The following CCSER1 variants were observed in gnomAD, a reference collection of about 807,000 sequenced individuals.
The protein encoded by CCSER1 is serine-rich coiled-coil domain-containing protein 1.
In CCSER1, 41 loss-of-function variants were observed where a neutral mutation model predicts 82.0. That is an observed-to-expected ratio of 0.50 (90% CI 0.39 to 0.65). The LOEUF (loss-of-function observed/expected upper bound fraction) is 0.65, where lower values mean the gene tolerates loss of function less well. Among genes scored for constraint, CCSER1 ranks in the 30% least tolerant of loss-of-function variants. CCSER1 has a pLI of 0.00. For synonymous variants in CCSER1, 414 were observed against 383.9 expected, an observed-to-expected ratio of 1.08 and a Z score of -0.92; for missense variants, 1,119 against 1,064.2, an observed-to-expected ratio of 1.05 and a Z score of -0.72.
At chr4:90,408,231 A>G (rs974878196) in intron 4 of CCSER1, among the ~76,000 whole-genome samples, 10 of 152,198 alleles carry the variant, frequency 6.6e-5, no homozygotes, top group Non-Finnish European at 1.5e-4. Context: ...AACAAAAGAC[A>G]GCAATAACCT....
In CCSER1 at chr4:91,148,073, G is replaced by C. The variant is rs532008469; in HGVS notation, c.2217+62079G>C. On this transcript the variant is annotated intron_variant, in intron 10 of 10. Coordinates refer to ENST00000509176, the MANE Select transcript of CCSER1 (RefSeq NM_001145065.2). ...TACCATAGATAGGTTGACTAGAGTAGTAACATGGAATAGAGAATCAAAACG... is the reference window on the plus strand; with the variant it reads ...TACCATAGATAGGTTGACTAGAGTACTAACATGGAATAGAGAATCAAAACG... 2.6e-5 allele frequency among the ~76,000 whole-genome samples: 4 copies of C among 152,098 alleles called. No homozygotes were observed. In the East Asian group the frequency reaches 7.7e-4, roughly 29 times the overall value.
intron 10 of CCSER1, among the ~76,000 whole-genome samples, chr4:91,147,665 C>A (rs910597848): frequency 6.6e-6 from 1 of 152,196 alleles, no homozygotes; most frequent in East Asian, 1.9e-4. Flanking sequence ...ACCAGCTGTG[C>A]TGGGAGTGAT....
intron 10 of CCSER1, among the ~76,000 whole-genome samples, chr4:91,309,938 G>A (rs1291228299): frequency 6.6e-6 from 1 of 151,848 alleles, no homozygotes; most frequent in African/African-American, 2.4e-5. Flanking sequence ...CAAGATCAAG[G>A]TATTGGCAGG....
intron 9 of CCSER1, among the ~76,000 whole-genome samples, chr4:91,030,239 G>T (rs1740855285): frequency 6.6e-6 from 1 of 151,906 alleles, no homozygotes; most frequent in Admixed American, 6.6e-5. Flanking sequence ...GAAAACCAAA[G>T]ATGAAAAATG....
chr4:90,530,481 C>T (rs1411467770), intron 5 of CCSER1, among the ~76,000 whole-genome samples: 2 of 152,008 alleles, frequency 1.3e-5, no homozygotes, highest in Non-Finnish European at 2.9e-5. Flanking sequence ...GGAGTGTGGG[C>T]GTACTCAAGA....
At chr4:90,985,797 T>C (rs1279506840) in intron 9 of CCSER1, among the ~76,000 whole-genome samples, 2 of 151,664 alleles carry the variant, frequency 1.3e-5, no homozygotes, top group African/African-American at 2.4e-5. Flanking sequence ...AATGTGTTAA[T>C]TGAAGAAAAA....
chr4:90,148,941 C>A lies in CCSER1; in HGVS notation c.-42+21110C>A, dbSNP rs151183812. On this transcript the variant is annotated intron_variant, in intron 1 of 10. Transcript: ENST00000509176. ...TGCTTATTTTTACAAGTAGGTCACACCCTAACTAAAAGACATGAATAATGA... is the reference window on the plus strand; with the variant it reads ...TGCTTATTTTTACAAGTAGGTCACAACCTAACTAAAAGACATGAATAATGA... 3.8e-4 allele frequency among the ~76,000 whole-genome samples: 58 copies of A among 152,182 alleles called. 1 individual carries two copies. The highest frequency in any genetic ancestry group is 1.3e-3 in the African/African-American group (56 of 41,520).
intron 10 of CCSER1, among the ~76,000 whole-genome samples, chr4:91,378,589 C>A (rs1032756720): frequency 4.2e-4 from 64 of 152,142 alleles, no homozygotes; most frequent in Non-Finnish European, 1.5e-4. Context: ...GTGACTTTTG[C>A]ACATTGATTT....
In CCSER1 at chr4:90,309,990, TTTC is replaced by T. The variant is rs555405704; in HGVS notation, c.1324+385_1324+387del. On this transcript the variant is annotated intron_variant, in intron 2 of 10. Coordinates refer to ENST00000509176, the MANE Select transcript of CCSER1 (RefSeq NM_001145065.2). ...AGAGTTTATTATAGAGGCATTGGTA[TTTC>T]TTATTTAATGAAATGGATATATTCC... Among the ~76,000 whole-genome samples, 253 of 152,244 alleles carry T rather than the reference TTTC, an allele frequency of 1.7e-3. 1 individual carries two copies. The highest frequency in any genetic ancestry group is 2.5e-3 in the Non-Finnish European group (173 of 67,980).
At chr4:90,644,388 T>C (rs371418860) in intron 6 of CCSER1, among the ~76,000 whole-genome samples, 18 of 152,320 alleles carry the variant, frequency 1.2e-4, no homozygotes, top group African/African-American at 4.1e-4. Context: ...TGGCACCATG[T>C]TGGCACTCAA....
intron 8 of CCSER1, among the ~76,000 whole-genome samples, chr4:90,901,902 CT>C (rs1724712308): frequency 6.6e-6 from 1 of 151,854 alleles, no homozygotes; most frequent in Non-Finnish European, 1.5e-5. Context: ...TTGTCTTTTT[CT>C]TCTTCCTCAT....
chr4:91,490,873 CATATATATATAT>C (rs778476142), intron 10 of CCSER1, among the ~76,000 whole-genome samples: 227 of 16,394 alleles, frequency 0.014, 6 homozygotes, highest in Non-Finnish European at 0.026. Flanking sequence ...TCAGGCACTC[CATATATATATAT>C]ATATATATAT....
intron 5 of CCSER1, among the ~76,000 whole-genome samples, chr4:90,535,751 A>G (rs1178143987): frequency 1.3e-5 from 2 of 152,190 alleles, no homozygotes; most frequent in African/African-American, 4.8e-5. Flanking sequence ...GTGAAGAGTC[A>G]CAGATGACAT....
At chr4:91,043,682 C>T (rs1246381238) in intron 9 of CCSER1, among the ~76,000 whole-genome samples, 1 of 150,344 alleles carries the variant, frequency 6.7e-6, no homozygotes, top group East Asian at 2.0e-4. Flanking sequence ...CCTCCACTTC[C>T]CGGGTTCATG....
chr4:90,667,429 G>A lies in CCSER1; in HGVS notation c.1932+39197G>A, dbSNP rs145752956. On this transcript the variant is annotated intron_variant, in intron 6 of 10. Coordinates refer to ENST00000509176, the MANE Select transcript of CCSER1 (RefSeq NM_001145065.2). The stretch of plus-strand genomic sequence containing the variant: ...TACCTAGGTATACCTGTGCCATGGC[G>A]GTTTGCTGCACCCATCAACCCATCA... Among the ~76,000 whole-genome samples the A allele has an allele frequency of 4.2e-3, 641 of 152,052 alleles. 9 individuals carry two copies. Among genetic ancestry groups the A allele is most frequent in the African/African-American group, 0.015 (626 of 41,442 alleles).
intron 5 of CCSER1, among the ~76,000 whole-genome samples, chr4:90,590,094 AG>A (rs1560771331): frequency 1.3e-5 from 2 of 151,808 alleles, no homozygotes; most frequent in Non-Finnish European, 2.9e-5. Flanking sequence ...GCCAACCTGG[AG>A]AAACCCTGTC....
chr4:90,275,597 T>C (rs1302651156), intron 1 of CCSER1, among the ~76,000 whole-genome samples: 1 of 152,094 alleles, frequency 6.6e-6, no homozygotes, highest in Non-Finnish European at 1.5e-5. Context: ...AAATTTTAAG[T>C]TGGTGACAAC....
intron 10 of CCSER1, among the ~76,000 whole-genome samples, chr4:91,132,866 T>C (rs565368811): frequency 7.2e-5 from 11 of 152,346 alleles, no homozygotes; most frequent in African/African-American, 2.4e-4. Flanking sequence ...TAGAGACTTA[T>C]GATTCCTTAC....
At chr4:90,582,200 T>C (rs1423507299) in intron 5 of CCSER1, among the ~76,000 whole-genome samples, 1 of 152,058 alleles carries the variant, frequency 6.6e-6, no homozygotes, top group Non-Finnish European at 1.5e-5. Context: ...TGATCAAACT[T>C]GTATTGTGGC....
Sources: gnomAD v4.1 joint callset for allele counts (sites outside exome capture counted in the v4.1 genomes callset) on GRCh38, gnomAD v4.1.1 for gene constraint, MANE v1.5 for transcripts, NCBI Gene and HGNC (gene_info 2026-07-23, HGNC 2026-07-21) for gene names.